The following AGPS variants were observed in gnomAD, a reference collection of about 807,000 sequenced individuals.
AGPS encodes alkyldihydroxyacetonephosphate synthase, peroxisomal.
In AGPS, 26 loss-of-function variants were observed where a neutral mutation model predicts 90.7. That is an observed-to-expected ratio of 0.29 (90% CI 0.21 to 0.40). The LOEUF (loss-of-function observed/expected upper bound fraction) is 0.40. Ranked by LOEUF, AGPS falls within the 10% of genes least tolerant of loss-of-function variation. The pLI is 1.00. For missense variants in AGPS, 540 were observed against 816.1 expected (o/e 0.66, Z 4.12); for synonymous variants, 294 against 285.3 (o/e 1.03, Z -0.31).
intron 18 of AGPS, among the ~76,000 whole-genome samples, chr2:177,522,767 G>A (rs955258055): frequency 1.1e-4 from 17 of 152,096 alleles, no homozygotes; most frequent in Non-Finnish European, 1.2e-4. Flanking sequence ...GGTTCTTATA[G>A]ATTACTTTGC....
chr2:177,480,200 C>A (rs1175339619), intron 10 of AGPS, among the ~76,000 whole-genome samples: 2 of 152,004 alleles, frequency 1.3e-5, no homozygotes, highest in Non-Finnish European at 2.9e-5. Context: ...AAAAAAATAC[C>A]ATTTGACCCA....
At chr2:177,516,944 T>C (rs1689038031) in intron 17 of AGPS, among the ~76,000 whole-genome samples, 1 of 152,084 alleles carries the variant, frequency 6.6e-6, no homozygotes, top group Non-Finnish European at 1.5e-5. Flanking sequence ...TGAGGGTGAA[T>C]TAACACTAGA....
At chr2:177,447,834 C>T (rs1269023829) in intron 8 of AGPS, among the ~76,000 whole-genome samples, 2 of 152,092 alleles carry the variant, frequency 1.3e-5, no homozygotes, top group Non-Finnish European at 2.9e-5. Context: ...TCAGATTCTA[C>T]TTCAGTTGAG....
At chr2:177,418,927 T>C (rs1685866771) in intron 1 of AGPS, among the ~76,000 whole-genome samples, 1 of 151,960 alleles carries the variant, frequency 6.6e-6, no homozygotes, top group Non-Finnish European at 1.5e-5. Context: ...AGGAATGTTA[T>C]GGGATTAGAA....
rs2079246416 is a variant in AGPS at position 177,542,554 on chromosome 2, A to G, written c.*4359A>G. ...AGATTATTTATTTTTCCACAAGGAA[A>G]AACATCTTGCAGAGACTCTGAATTC... On this transcript the variant is annotated 3_prime_UTR_variant, in exon 20 of 20. Coordinates refer to ENST00000264167, the MANE Select transcript of AGPS (RefSeq NM_003659.4). The G allele has an allele frequency of 6.6e-6, 1 of 152,194 alleles. No homozygotes were observed. Among genetic ancestry groups the G allele is most frequent in the African/African-American group, 2.4e-5 (1 of 41,442 alleles). 9.4% of individuals were successfully genotyped at this position (152,194 alleles called of 1,614,324 possible).
At chr2:177,475,996 A>G (rs1299245453) in intron 10 of AGPS, among the ~76,000 whole-genome samples, 2 of 151,270 alleles carry the variant, frequency 1.3e-5, no homozygotes, top group Non-Finnish European at 3.0e-5. Flanking sequence ...AATCCTTTTT[A>G]TTTTTGTAAG....
intron 2 of AGPS, among the ~76,000 whole-genome samples, chr2:177,422,871 C>T (rs1233070569): frequency 6.6e-6 from 1 of 152,076 alleles, no homozygotes; most frequent in Non-Finnish European, 1.5e-5. Context: ...CATTTACAAA[C>T]ACTCTTAAGA....
At chr2:177,440,917 A>G (rs756683964) in intron 5 of AGPS, 48 bp from the exon 6 acceptor site, 3 of 1,519,638 alleles carry the variant, frequency 2.0e-6, no homozygotes, top group East Asian at 4.5e-5. Flanking sequence ...AGGTTATCAG[A>G]TTTTATTTAT....
chr2:177,399,041 CCTT>C (rs967681213), intron 1 of AGPS, among the ~76,000 whole-genome samples: 5 of 152,168 alleles, frequency 3.3e-5, no homozygotes, highest in Non-Finnish European at 7.4e-5. Flanking sequence ...ATGGACCAGA[CCTT>C]CTCTACATAG....
chr2:177,501,829 G>A (rs1360824249), intron 14 of AGPS, among the ~76,000 whole-genome samples: 1 of 151,988 alleles, frequency 6.6e-6, no homozygotes, highest in East Asian at 1.9e-4. Context: ...CACCACGCCT[G>A]GCTAACTTTT....
In AGPS at chr2:177,476,530, T is replaced by C. The variant is rs79172243; in HGVS notation, c.1106-5529T>C. Among the ~76,000 whole-genome samples, 312 of 152,258 alleles carry C rather than the reference T, an allele frequency of 2.0e-3. 3 individuals carry two copies. In the East Asian group the frequency reaches 0.021, roughly 10 times the overall value. ...TTCCATTGTGGCTTGAGAACATACTTTGTATTATTTCAGTCTTTGAAAATT... is the reference window on the plus strand; with the variant it reads ...TTCCATTGTGGCTTGAGAACATACTCTGTATTATTTCAGTCTTTGAAAATT... On this transcript the variant is annotated intron_variant, in intron 10 of 19. Transcript: ENST00000264167.
intron 12 of AGPS, among the ~76,000 whole-genome samples, chr2:177,494,848 A>G (rs4893955): frequency 0.86 from 131,229 of 152,002 alleles, 56,841 homozygotes; most frequent in East Asian, 0.95. Context: ...TTATTTCTCA[A>G]TTTTAATTGA....
chr2:177,459,390 C>G (rs1687218765), intron 8 of AGPS, among the ~76,000 whole-genome samples: 1 of 152,156 alleles, frequency 6.6e-6, no homozygotes, highest in Non-Finnish European at 1.5e-5. Context: ...AGGCAACCTA[C>G]AGAATGGGAG....
intron 11 of AGPS, among the ~76,000 whole-genome samples, chr2:177,483,674 T>G (rs534672548): frequency 2.7e-4 from 41 of 152,184 alleles, no homozygotes; most frequent in African/African-American, 9.7e-4. Flanking sequence ...GAATACGATA[T>G]TATGGTTAGG....
intron 9 of AGPS, among the ~76,000 whole-genome samples, chr2:177,467,779 C>A (rs1376488948): frequency 1.3e-5 from 2 of 152,092 alleles, no homozygotes; most frequent in African/African-American, 4.8e-5. Context: ...TTTTACCTAA[C>A]CACTTCTGAT....
chr2:177,466,691 C>T (rs913467085), intron 9 of AGPS, among the ~76,000 whole-genome samples: 5 of 152,258 alleles, frequency 3.3e-5, no homozygotes, highest in Non-Finnish European at 7.3e-5. Context: ...CATGCGCACA[C>T]CCGGCTGGGT....
intron 8 of AGPS, among the ~76,000 whole-genome samples, chr2:177,452,230 ATTTTTTATTTT>A: frequency 6.6e-6 from 1 of 152,064 alleles, no homozygotes; most frequent in Non-Finnish European, 1.5e-5. Context: ...GGTCTCTTAT[ATTTTTTATTTT>A]CTGTCTACTT....
chr2:177,468,928 A>G (rs1687533627), intron 10 of AGPS, among the ~76,000 whole-genome samples: 1 of 152,060 alleles, frequency 6.6e-6, no homozygotes, highest in South Asian at 2.1e-4. Context: ...ATTTTATAAA[A>G]TTAATTACTA....
At chr2:177,409,487 C>T (rs905979617) in intron 1 of AGPS, among the ~76,000 whole-genome samples, 2 of 151,942 alleles carry the variant, frequency 1.3e-5, no homozygotes, top group East Asian at 1.9e-4. Flanking sequence ...TTACAAGCCC[C>T]GTGTTTAAAG....
Sources: allele counts gnomAD v4.1 joint callset (sites outside exome capture counted in the v4.1 genomes callset), GRCh38; gene constraint gnomAD v4.1.1; transcripts MANE v1.5; gene names NCBI Gene and HGNC (gene_info 2026-07-23, HGNC 2026-07-21).